SNX13: variants seen among roughly 807,000 people sequenced by gnomAD.
SNX13 encodes sorting nexin-13.
In SNX13, 45 loss-of-function variants were observed where a neutral mutation model predicts 133.6. That is an observed-to-expected ratio of 0.34 (90% CI 0.27 to 0.43). The LOEUF is 0.43. Among genes scored for constraint, SNX13 ranks in the 20% least tolerant of loss-of-function variants. SNX13 has a pLI of 1.00. For synonymous variants in SNX13, 414 were observed against 373.9 expected, an observed-to-expected ratio of 1.11 and a Z score of -1.24; for missense variants, 1,032 against 1,145.1, an observed-to-expected ratio of 0.90 and a Z score of 1.43.
chr7:17,806,381 TA>T (rs954403805), intron 20 of SNX13, among the ~76,000 whole-genome samples: 2 of 152,224 alleles, frequency 1.3e-5, no homozygotes, highest in African/African-American at 4.8e-5. Flanking sequence ...TAGCCATTGA[TA>T]AAATGTTTGC....
chr7:17,819,888 AAGAAAC>A (rs1235525390), intron 18 of SNX13, among the ~76,000 whole-genome samples: 1 of 106,774 alleles, frequency 9.4e-6, no homozygotes, highest in African/African-American at 4.9e-5. Flanking sequence ...TAAACTTTAT[AAGAAAC>A]ACACACACAC....
chr7:17,844,018 T>G (rs773086699), intron 12 of SNX13, among the ~76,000 whole-genome samples: 1 of 150,150 alleles, frequency 6.7e-6, no homozygotes, highest in African/African-American at 2.5e-5. Flanking sequence ...CATAAAGAAA[T>G]AGAAAAAGAA....
intron 1 of SNX13, among the ~76,000 whole-genome samples, chr7:17,940,073 G>C (rs1289509783): frequency 6.6e-6 from 1 of 152,128 alleles, no homozygotes; most frequent in African/African-American, 2.4e-5. Context: ...ACTGCGAAAG[G>C]CGAGGCACTG....
At chr7:17,885,768 C>A (rs1489509595) in intron 5 of SNX13, among the ~76,000 whole-genome samples, 1 of 152,202 alleles carries the variant, frequency 6.6e-6, no homozygotes, top group Non-Finnish European at 1.5e-5. Context: ...GCGGAAACTG[C>A]AGTGAGCCGA....
At chr7:17,805,248 T>TGTGTGTGC (rs1554304244) in intron 20 of SNX13, among the ~76,000 whole-genome samples, 1 of 89,322 alleles carries the variant, frequency 1.1e-5, no homozygotes, top group Admixed American at 1.2e-4. Context: ...TGTGTGTGTG[T>TGTGTGTGC]GTGCGTGCGC....
chr7:17,866,934 T>C (rs1432594328), intron 9 of SNX13, among the ~76,000 whole-genome samples: 6 of 152,242 alleles, frequency 3.9e-5, no homozygotes, highest in Non-Finnish European at 5.9e-5. Flanking sequence ...TTGAACATTA[T>C]ACATTGTATG....
intron 5 of SNX13, among the ~76,000 whole-genome samples, chr7:17,885,933 T>C (rs1289106975): frequency 6.6e-6 from 1 of 152,198 alleles, no homozygotes; most frequent in Non-Finnish European, 1.5e-5. Context: ...CTGTAATAAA[T>C]ATAATAACTG....
At chr7:17,846,884 G>C (rs1199149636) in intron 11 of SNX13, among the ~76,000 whole-genome samples, 2 of 152,074 alleles carry the variant, frequency 1.3e-5, no homozygotes, top group South Asian at 4.2e-4. Context: ...GAGGATAAAG[G>C]TTTCTAAGAT....
intron 15 of SNX13, chr7:17,831,644 T>TA (rs1473410636): frequency 1.3e-5 from 13 of 984,134 alleles, no homozygotes; most frequent in Admixed American, 6.2e-5. Flanking sequence ...TAGACTACTT[T>TA]AAAAAAATCA....
intron 1 of SNX13, chr7:17,900,065 C>T (rs1438444015): frequency 6.6e-6 from 1 of 152,162 alleles, no homozygotes; most frequent in African/African-American, 2.4e-5. Context: ...CTCTGAAAGA[C>T]TTGTAGTGGT....
chr7:17,922,096 T>A (rs1800187635), intron 1 of SNX13, among the ~76,000 whole-genome samples: 1 of 152,212 alleles, frequency 6.6e-6, no homozygotes, highest in South Asian at 2.1e-4. Flanking sequence ...AACCATTCTC[T>A]AGCAAATATC....
At chr7:17,923,899 C>T (rs1456324928) in intron 1 of SNX13, among the ~76,000 whole-genome samples, 1 of 152,034 alleles carries the variant, frequency 6.6e-6, no homozygotes, top group African/African-American at 2.4e-5. Context: ...CTCAAATCCT[C>T]AATAAAATAT....
chr7:17,811,470 A>G (rs542928584), intron 20 of SNX13, among the ~76,000 whole-genome samples: 1 of 152,332 alleles, frequency 6.6e-6, no homozygotes, highest in Admixed American at 6.5e-5. Flanking sequence ...AAGGAGAACT[A>G]CAAACTACTG....
intron 8 of SNX13, among the ~76,000 whole-genome samples, chr7:17,870,898 T>C (rs573169567): frequency 6.6e-6 from 1 of 152,228 alleles, no homozygotes; most frequent in South Asian, 2.1e-4. Flanking sequence ...ATGAGGGAGA[T>C]ATAGATTGGG....
chr7:17,857,037 CAG>C (rs1462974663), intron 9 of SNX13, among the ~76,000 whole-genome samples: 1 of 151,762 alleles, frequency 6.6e-6, no homozygotes, highest in African/African-American at 2.4e-5. Context: ...AAAATACAAT[CAG>C]AGATGAAAAT....
At chr7:17,835,554 C>A (rs1345950247) in intron 13 of SNX13, among the ~76,000 whole-genome samples, 2 of 151,866 alleles carry the variant, frequency 1.3e-5, no homozygotes, top group Non-Finnish European at 2.9e-5. Flanking sequence ...AGAAAAAATG[C>A]TGAAAAGCTA....
intron 1 of SNX13, 42 bp downstream of exon 1, chr7:17,940,242 T>TC (rs1287762058): frequency 4.5e-6 from 7 of 1,553,234 alleles, no homozygotes; most frequent in Non-Finnish European, 5.2e-6. Flanking sequence ...GCCGGCCCCT[T>TC]CCCCATTTCA....
intron 1 of SNX13, chr7:17,899,373 GTTA>G (rs1472515404): frequency 1.3e-5 from 2 of 152,002 alleles, no homozygotes; most frequent in East Asian, 1.9e-4. Context: ...GAGGCTCTCT[GTTA>G]TTATCTATCT....
At chr7:17,841,281 C>G (rs1238838468) in intron 12 of SNX13, among the ~76,000 whole-genome samples, 5 of 151,968 alleles carry the variant, frequency 3.3e-5, no homozygotes, top group African/African-American at 1.2e-4. Context: ...CCTTTATCTC[C>G]CTTTGGGAGC....
Sources: allele counts gnomAD v4.1 joint callset (sites outside exome capture counted in the v4.1 genomes callset), GRCh38; gene constraint gnomAD v4.1.1; transcripts MANE v1.5; gene names NCBI Gene and HGNC (gene_info 2026-07-23, HGNC 2026-07-21).